The following LAMTOR1 variants were observed in gnomAD, a reference collection of about 807,000 sequenced individuals.
The protein encoded by LAMTOR1 is late endosomal/lysosomal adaptor, MAPK and MTOR activator 1, also known as ragulator complex protein LAMTOR1.
LAMTOR1 carries 8 observed loss-of-function variants against 20.5 expected under a neutral mutation model. That is an observed-to-expected ratio of 0.39 (90% confidence interval 0.23 to 0.70). LAMTOR1 has a LOEUF of 0.70. LAMTOR1 is among the 30% of genes least tolerant of loss of function. The pLI, the probability that LAMTOR1 is intolerant of heterozygous loss-of-function variation, is 0.43. For missense variants in LAMTOR1, 135 were observed against 206.2 expected, an observed-to-expected ratio of 0.65 and a Z score of 2.11; for synonymous variants, 77 against 80.9, an observed-to-expected ratio of 0.95 and a Z score of 0.26.
chr11:72,097,401 C>T lies in LAMTOR1; in HGVS notation c.*421G>A. The stretch of plus-strand genomic sequence containing the variant: ...CAAACTCAATTCATTCAAATTCAAG[C>T]TCATCCAGACCCTGGTCACAAACCC... On this transcript the variant is annotated 3_prime_UTR_variant, in exon 5 of 5. Coordinates refer to ENST00000278671, the MANE Select transcript of LAMTOR1 (RefSeq NM_017907.3). The T allele has an allele frequency of 1.0e-6, 1 of 1,003,874 alleles. No homozygotes were observed. The highest frequency in any genetic ancestry group is 1.2e-6 in the Non-Finnish European group (1 of 840,760). The allele number at this position is 1,003,874 out of a possible 1,614,324, so 62.2% of individuals were successfully genotyped here. A position where few individuals can be genotyped will look rare whatever the true frequency, so the allele number is the denominator to read the frequency against.
At chr11:72,098,683 T>C (rs1257444547) in intron 3 of LAMTOR1, 98 bp downstream of exon 3, 3 of 945,924 alleles carry the variant, frequency 3.2e-6, no homozygotes, top group Non-Finnish European at 3.1e-6. Context: ...CTGCACCAAA[T>C]GAGAAGCTTG....
chr11:72,098,632 A>G, intron 3 of LAMTOR1, 149 bp downstream of exon 3: 4 of 782,354 alleles, frequency 5.1e-6, no homozygotes, highest in Non-Finnish European at 8.1e-6. Flanking sequence ...GACATGAATA[A>G]CTACTGAAGC....
At chr11:72,099,371 T>A (rs577470323) in intron 1 of LAMTOR1, 115 bp from the exon 2 acceptor site, 1 of 1,167,300 alleles carries the variant, frequency 8.6e-7, no homozygotes, top group Non-Finnish European at 1.2e-6. Flanking sequence ...CTATAAGGAA[T>A]ATCTAAAGTG....
chr11:72,103,084 C>T, intron 1 of LAMTOR1, 99 bp downstream of exon 1: 2 of 1,423,768 alleles, frequency 1.4e-6, no homozygotes, highest in Non-Finnish European at 9.7e-7. Flanking sequence ...ATTCAGTGAG[C>T]CCTGCAGTCC....
At chr11:72,098,049 A>G in intron 4 of LAMTOR1, 135 bp from the exon 5 acceptor site, 1 of 1,162,332 alleles carries the variant, frequency 8.6e-7, no homozygotes, top group Non-Finnish European at 1.2e-6. Flanking sequence ...AGAGAAAGAC[A>G]GGGATGGGAG....
intron 4 of LAMTOR1, 141 bp downstream of exon 4, chr11:72,098,148 G>A: frequency 8.7e-7 from 1 of 1,144,036 alleles, no homozygotes; most frequent in Non-Finnish European, 1.2e-6. Flanking sequence ...AGAACGAGGT[G>A]GGAGGGAGCT....
chr11:72,098,482 G>A, intron 3 of LAMTOR1, 67 bp from the exon 4 acceptor site: 1 of 1,543,118 alleles, frequency 6.5e-7, no homozygotes. Context: ...GCCCAGGTAA[G>A]CCTCATCCCC....
At chr11:72,101,324 G>A (rs904908281) in intron 1 of LAMTOR1, among the ~76,000 whole-genome samples, 4 of 152,220 alleles carry the variant, frequency 2.6e-5, no homozygotes, top group Non-Finnish European at 5.9e-5. Context: ...CAAGAGGCAG[G>A]GTTTCACTGT....
intron 1 of LAMTOR1, among the ~76,000 whole-genome samples, chr11:72,099,823 GC>G (rs1945373449): frequency 6.6e-6 from 1 of 152,196 alleles, no homozygotes; most frequent in African/African-American, 2.4e-5. Flanking sequence ...AGGAATCCCA[GC>G]CCAGCTCTGG....
Position 72,099,129 on chromosome 11 carries a change from A to C in LAMTOR1, c.170T>G (p.Ile57Ser). The C allele has an allele frequency of 6.2e-7, 1 of 1,613,918 alleles. No homozygotes were observed. Among genetic ancestry groups the C allele is most frequent in the Non-Finnish European group, 8.5e-7 (1 of 1,179,982 alleles). Residue 57 changes from isoleucine to serine, a missense_variant, in exon 2 of 5, where the codon ATC (isoleucine) becomes AGC (serine). Physicochemically the swap from Ile to Ser is moderately radical, Grantham distance 142. Coordinates refer to ENST00000278671, the MANE Select transcript of LAMTOR1 (RefSeq NM_017907.3). The stretch of plus-strand genomic sequence containing the variant: ...CACTTACCTGGCTGTCTTGGCAAGG[A>C]TGGAAGAGAGCAGGGCCTGCTCATC... ...RTDEQALLSS[I>S]LAKTASNIID...
chr11:72,098,572 A>T (rs781582088), intron 3 of LAMTOR1, 157 bp from the exon 4 acceptor site: 5 of 999,506 alleles, frequency 5.0e-6, no homozygotes, highest in Non-Finnish European at 7.3e-6. Context: ...ATCTAGGCCC[A>T]TCTCCCTTGG....
At chr11:72,102,955 C>T (rs1176418824) in intron 1 of LAMTOR1, among the ~76,000 whole-genome samples, 2 of 152,250 alleles carry the variant, frequency 1.3e-5, no homozygotes, top group African/African-American at 4.8e-5. Flanking sequence ...TGGGAGCGAG[C>T]CGGACAGGCG....
chr11:72,101,642 G>C (rs1945443491), intron 1 of LAMTOR1, among the ~76,000 whole-genome samples: 2 of 152,192 alleles, frequency 1.3e-5, no homozygotes, highest in Non-Finnish European at 2.9e-5. Context: ...GAGAGTCGGA[G>C]AGGGGCCTGC....
At chr11:72,098,056 G>T in intron 4 of LAMTOR1, 142 bp from the exon 5 acceptor site, 2 of 1,123,846 alleles carry the variant, frequency 1.8e-6, no homozygotes, top group South Asian at 1.5e-5. Flanking sequence ...GACAGGGATG[G>T]GAGAGACAGA....
intron 1 of LAMTOR1, among the ~76,000 whole-genome samples, chr11:72,099,826 C>T (rs547384291): frequency 3.0e-4 from 45 of 152,356 alleles, no homozygotes; most frequent in African/African-American, 1.0e-3. Context: ...AATCCCAGCC[C>T]AGCTCTGGGT....
intron 1 of LAMTOR1, 65 bp downstream of exon 1, chr11:72,103,117 TC>T: frequency 6.5e-7 from 1 of 1,548,736 alleles, no homozygotes. Flanking sequence ...TCCGCAGGTT[TC>T]TTTCTGGGCC....
rs1399254404 is a variant in LAMTOR1, at chr11:72,098,824, C to T, written c.223G>A (p.Gly75Ser). ...TCCATGTACTCATGCTGCTCCATGCCCTGTGAGTCTGCAGCAGACACATCA... is the reference window on the plus strand; with the variant it reads ...TCCATGTACTCATGCTGCTCCATGCTCTGTGAGTCTGCAGCAGACACATCA... ...IIDVSAADSQ[G>S]MEQHEYMDRA... The change falls in exon 3 of 5, where the codon GGC becomes AGC. Residue 75 changes from glycine to serine, a missense_variant. Coordinates refer to ENST00000278671, the MANE Select transcript of LAMTOR1 (RefSeq NM_017907.3). The T allele has an allele frequency of 6.4e-7, 1 of 1,550,966 alleles. No individual in the cohort carries two copies. The highest frequency in any genetic ancestry group is 8.7e-7 in the Non-Finnish European group (1 of 1,146,722).
At chr11:72,101,335 C>T (rs1003155944) in intron 1 of LAMTOR1, among the ~76,000 whole-genome samples, 1 of 152,222 alleles carries the variant, frequency 6.6e-6, no homozygotes, top group African/African-American at 2.4e-5. Flanking sequence ...GTTTCACTGT[C>T]TACCTTAGCA....
At chr11:72,099,090 G>A in intron 2 of LAMTOR1, 21 bp downstream of exon 2, 1 of 1,613,284 alleles carries the variant, frequency 6.2e-7, no homozygotes, top group Non-Finnish European at 8.5e-7. Flanking sequence ...TCTGACCCAG[G>A]CCTGGTCCTC....
Sources: allele counts gnomAD v4.1 joint callset (sites outside exome capture counted in the v4.1 genomes callset), GRCh38; gene constraint gnomAD v4.1.1; transcripts MANE v1.5; gene names NCBI Gene and HGNC (gene_info 2026-07-23, HGNC 2026-07-21).